Variants in TMEM200C observed in about 807,000 individuals in gnomAD.
TMEM200C encodes the protein transmembrane protein 200C, also known as transmembrane protein TTMA.
For synonymous variants in TMEM200C, 462 were observed against 324.7 expected (o/e 1.42, Z -4.55); for missense variants, 966 against 699.9 (o/e 1.38, Z -4.29).
intron 2 of TMEM200C, 141 bp from the exon 2 acceptor site, chr18:5,892,298 G>A (rs1174386308): frequency 6.9e-6 from 4 of 577,344 alleles, no homozygotes; most frequent in African/African-American, 5.6e-5. Flanking sequence ...ACAAGGCCGT[G>A]TACAGAGGCT....
At position 5,891,543 on chromosome 18, in the gene TMEM200C, C is replaced by G; in HGVS notation, c.521G>C (p.Gly174Ala). 1.2e-6 allele frequency: 2 copies of G among 1,613,494 alleles called. No individual in the cohort carries two copies. The highest frequency in any genetic ancestry group is 2.2e-5 in the South Asian group (2 of 90,990). The change falls in exon 3 of 3, where the codon GGC becomes GCC. Residue 174 changes from glycine (G) to alanine (A), a missense_variant. By Grantham distance (60) the Gly-to-Ala change is moderately conservative. Coordinates refer to ENST00000581347, the Ensembl canonical transcript of TMEM200C. The surrounding 1 kb of genome is among the most constrained non-coding windows in gnomAD (Gnocchi z 4.7). ...GCAGATGAAGAGGAAGATGCCGATG[C>G]CCATGATGAGGGGCCCGAAGACCTT...
chr18:5,889,949 C>A lies in TMEM200C; in HGVS notation c.*249G>T, dbSNP rs372475452. On this transcript the variant is annotated 3_prime_UTR_variant, in exon 3 of 3. Transcript: ENST00000581347. ...GGACTAGATTGCTGACCTTTTAATA[C>A]ATTTGGTTTTCATTGAACATACAAT... 2.0e-4 allele frequency: 72 copies of A among 355,066 alleles called. No homozygotes were observed. In the South Asian group the frequency reaches 9.7e-3, roughly 48 times the overall value. 22.0% of individuals were successfully genotyped at this position (355,066 alleles called of 1,614,324 possible).
Position 5,891,301 on chromosome 18 carries a change from G to T in TMEM200C, c.763C>A (p.Gln255Lys). The change falls in exon 3 of 3, where the codon CAG becomes AAG. Residue 255 changes from glutamine to lysine, a missense_variant. By Grantham distance (53) the Gln-to-Lys change is moderately conservative (BLOSUM62 1). Coordinates refer to ENST00000581347, the Ensembl canonical transcript of TMEM200C. This position sits in a 1 kb window ranked among gnomAD's most constrained non-coding sequence, Gnocchi z 4.7. ...GGCTTCAGCTCCAGGCCCCGCGACT[G>T]CACGTAGCTGAGGAAGCCGTTGAGC... 1 of 1,414,490 alleles carries T rather than the reference G, an allele frequency of 7.1e-7. No homozygotes were observed. Among genetic ancestry groups the T allele is most frequent in the Non-Finnish European group, 9.3e-7 (1 of 1,078,874 alleles). The allele number at this position is 1,414,490 out of a possible 1,614,324, so 87.6% of individuals were successfully genotyped here.
rs1365309340 is a variant in TMEM200C at position 5,891,244 on chromosome 18, C to T, written c.820G>A (p.Gly274Arg). 7.3e-7 allele frequency: 1 copy of T among 1,369,862 alleles called. No individual in the cohort carries two copies. Among genetic ancestry groups the T allele is most frequent in the Non-Finnish European group, 9.5e-7 (1 of 1,055,328 alleles). 84.9% of individuals were successfully genotyped at this position (1,369,862 alleles called of 1,614,324 possible). Residue 274 changes from glycine to arginine, a missense_variant, in exon 3 of 3, where the codon GGA becomes AGA. Coordinates refer to ENST00000581347, the Ensembl canonical transcript of TMEM200C. The surrounding 1 kb of genome is among the most constrained non-coding windows in gnomAD (Gnocchi z 4.7). ...CCCTTGGCCAGCATCGCCGCCGCTC[C>T]GAAGGCGTCCCCGGAGCCACCGCAG...
chr18:5,890,839 C>G (rs2095169862), exon 3 of TMEM200C: 3 of 677,492 alleles, frequency 4.4e-6, no homozygotes, highest in Non-Finnish European at 8.0e-6. Context: ...TCCTGGGAGC[C>G]GCGTTCCCCC....
At chr18:5,896,151 A>G (rs891887740), upstream of TMEM200C, among the ~76,000 whole-genome samples, 15 of 152,000 alleles carry the variant, frequency 9.9e-5, no homozygotes, top group Non-Finnish European at 5.9e-5. Flanking sequence ...GGACGGGCGC[A>G]CCGCGGGACG....
exon 3 of TMEM200C, chr18:5,890,809 C>G (rs1249413956): frequency 6.0e-6 from 4 of 670,996 alleles, no homozygotes; most frequent in East Asian, 3.0e-5. Context: ...ATGCTCAGGT[C>G]GAGCTCGCCC....
At chr18:5,884,704 G>T (rs529213675) in exon 3 of TMEM200C, 4 of 152,230 alleles carry the variant, frequency 2.6e-5, no homozygotes, top group Admixed American at 2.6e-4. Context: ...AAAAGGGAGT[G>T]AAAAGGCAAT....
chr18:5,893,442 C>T (rs921307761), intron 2 of TMEM200C, among the ~76,000 whole-genome samples: 6 of 152,106 alleles, frequency 3.9e-5, no homozygotes, highest in Non-Finnish European at 7.4e-5. Flanking sequence ...TGTAGTTATT[C>T]GGCAGCCTCT....
At chr18:5,894,162 G>A (rs1381238220) in intron 2 of TMEM200C, among the ~76,000 whole-genome samples, 1 of 152,158 alleles carries the variant, frequency 6.6e-6, no homozygotes, top group African/African-American at 2.4e-5. Context: ...TTGATCAGGT[G>A]CGCCGGGAGG....
exon 3 of TMEM200C, chr18:5,883,571 C>T (rs114677369): frequency 2.0e-4 from 31 of 152,086 alleles, no homozygotes; most frequent in Admixed American, 6.6e-4. Context: ...TGAACGCATA[C>T]GTGAGGAACA....
exon 3 of TMEM200C, chr18:5,884,150 A>G (rs188108949): frequency 3.2e-4 from 49 of 152,284 alleles, no homozygotes; most frequent in Non-Finnish European, 6.0e-4. Flanking sequence ...CTATTTATCT[A>G]TATCTATAGA....
In TMEM200C at chr18:5,891,266, G is replaced by T; in HGVS notation, c.798C>A (p.Cys266Ter). The T allele has an allele frequency of 7.1e-7, 1 of 1,404,132 alleles. No individual in the cohort carries two copies. The highest frequency in any genetic ancestry group is 9.3e-7 in the Non-Finnish European group (1 of 1,074,416). 87.0% of individuals were successfully genotyped at this position (1,404,132 alleles called of 1,614,324 possible). A position where few individuals can be genotyped will look rare whatever the true frequency, so the allele number is the denominator to read the frequency against. ...CTCCGAAGGCGTCCCCGGAGCCACC[G>T]CAGCCCCCGGGCTTCAGCTCCAGGC... The change falls in exon 3 of 3, where the codon TGC (cysteine) becomes TGA (stop). Residue 266 changes from cysteine (C) to a stop codon, truncating the protein, a stop_gained. Coordinates refer to ENST00000581347, the Ensembl canonical transcript of TMEM200C. LOFTEE classifies it low-confidence loss of function (END_TRUNC). This position sits in a 1 kb window ranked among gnomAD's most constrained non-coding sequence, Gnocchi z 4.7.
exon 3 of TMEM200C, chr18:5,890,330 G>A (rs1307783114): frequency 1.9e-6 from 3 of 1,604,246 alleles, no homozygotes; most frequent in African/African-American, 2.7e-5. Flanking sequence ...GCTCCTGGCT[G>A]GCACCCTCCG....
exon 3 of TMEM200C, chr18:5,887,075 G>A (rs1480917860): frequency 2.0e-5 from 3 of 152,144 alleles, no homozygotes; most frequent in Admixed American, 1.3e-4. Flanking sequence ...GACACAGAGA[G>A]ACTATGTAAC....
chr18:5,891,812 CT>C lies in TMEM200C; in HGVS notation c.251del (p.Glu84GlyfsTer178). ...CCGCAGGCGGCAGCTGCTTACCCCC[CT>C]CCCGATTGGTCCCGGTGGCCTTGGG... On this transcript the variant is annotated frameshift_variant, in exon 3 of 3. Transcript: ENST00000581347. LOFTEE classifies it low-confidence loss of function (END_TRUNC). The surrounding 1 kb of genome is among the most constrained non-coding windows in gnomAD (Gnocchi z 4.7). 6.2e-7 allele frequency: 1 copy of C among 1,605,516 alleles called. No individual in the cohort carries two copies. Among genetic ancestry groups the C allele is most frequent in the Non-Finnish European group, 8.5e-7 (1 of 1,177,748 alleles).
In TMEM200C at chr18:5,891,304, C is replaced by T. The variant is rs749830194; in HGVS notation, c.760G>A (p.Val254Met). 28 of 1,414,968 alleles carry T rather than the reference C, an allele frequency of 2.0e-5. No individual in the cohort carries two copies. The highest frequency in any genetic ancestry group is 2.8e-6 in the Non-Finnish European group (3 of 1,079,066). 87.7% of individuals were successfully genotyped at this position (1,414,968 alleles called of 1,614,324 possible). ...TTCAGCTCCAGGCCCCGCGACTGCACGTAGCTGAGGAAGCCGTTGAGCGGT... is the reference window on the plus strand; with the variant it reads ...TTCAGCTCCAGGCCCCGCGACTGCATGTAGCTGAGGAAGCCGTTGAGCGGT... The change falls in exon 3 of 3, where the codon GTG becomes ATG. Residue 254 changes from valine to methionine, a missense_variant. By Grantham distance (21) the Val-to-Met change is conservative. Coordinates refer to ENST00000581347, the Ensembl canonical transcript of TMEM200C. This position sits in a 1 kb window ranked among gnomAD's most constrained non-coding sequence, Gnocchi z 4.7.
exon 3 of TMEM200C, chr18:5,890,475 G>A (rs754365158): frequency 5.1e-6 from 8 of 1,559,468 alleles, no homozygotes; most frequent in South Asian, 2.5e-5. Flanking sequence ...GCTGCTGGAT[G>A]GGTCATCCGA....
At chr18:5,890,502 T>G in exon 3 of TMEM200C, 1 of 1,537,236 alleles carries the variant, frequency 6.5e-7, no homozygotes, top group Non-Finnish European at 8.8e-7. Flanking sequence ...GCTCCCGGAG[T>G]CCCGCCTGGT....
Sources: allele counts gnomAD v4.1 joint callset (sites outside exome capture counted in the v4.1 genomes callset), GRCh38; gene constraint gnomAD v4.1.1; non-coding constraint Gnocchi (gnomAD v3.1); transcripts MANE v1.5; gene names NCBI Gene and HGNC (gene_info 2026-07-23, HGNC 2026-07-21).